ANTXR1: variants seen among roughly 807,000 people sequenced by gnomAD.
ANTXR1 encodes anthrax toxin receptor 1.
In ANTXR1, 19 loss-of-function variants were observed where a neutral mutation model predicts 78.1. The ratio of observed to expected loss-of-function variants is 0.24; its 90% confidence interval spans 0.17 to 0.36. The LOEUF is 0.36. ANTXR1 is among the 10% of genes least tolerant of loss of function. The pLI, the probability that ANTXR1 is intolerant of heterozygous loss-of-function variation, is 1.00. For synonymous variants in ANTXR1, 273 were observed against 260.5 expected, an observed-to-expected ratio of 1.05 and a Z score of -0.46; for missense variants, 518 against 718.6, an observed-to-expected ratio of 0.72 and a Z score of 3.19.
intron 12 of ANTXR1, chr2:69,146,424 T>A (rs1486989131): frequency 1.0e-6 from 1 of 960,824 alleles, no homozygotes; most frequent in African/African-American, 1.8e-5. Flanking sequence ...ACTTAGGCTA[T>A]TGAGAAAATA....
intron 3 of ANTXR1, among the ~76,000 whole-genome samples, chr2:69,064,247 AT>A: frequency 6.6e-6 from 1 of 152,204 alleles, no homozygotes; most frequent in East Asian, 1.9e-4. Context: ...ACCTGGACTT[AT>A]TTATGCAGCT....
chr2:69,055,428 C>T (rs1224743458), intron 3 of ANTXR1, among the ~76,000 whole-genome samples: 1 of 152,066 alleles, frequency 6.6e-6, no homozygotes, highest in Non-Finnish European at 1.5e-5. Context: ...TAAGGGGTCT[C>T]CATGTTGGTC....
chr2:69,233,083 G>T (rs1675664042), intron 17 of ANTXR1, among the ~76,000 whole-genome samples: 1 of 152,006 alleles, frequency 6.6e-6, no homozygotes, highest in Admixed American at 6.6e-5. Flanking sequence ...TACAAAACCT[G>T]AATAAATCAA....
At chr2:69,145,843 G>A in intron 12 of ANTXR1, 6 of 987,230 alleles carry the variant, frequency 6.1e-6, no homozygotes, top group Non-Finnish European at 7.2e-6. Context: ...GCCCTGGCAA[G>A]ATATTTCACT....
intron 13 of ANTXR1, among the ~76,000 whole-genome samples, chr2:69,168,799 G>A (rs928197134): frequency 4.6e-5 from 7 of 152,236 alleles, no homozygotes; most frequent in Non-Finnish European, 1.0e-4. Flanking sequence ...CACAATCATG[G>A]CTTTGCATTT....
chr2:69,111,351 G>A (rs1671972238), intron 10 of ANTXR1, among the ~76,000 whole-genome samples: 1 of 152,218 alleles, frequency 6.6e-6, no homozygotes, highest in African/African-American at 2.4e-5. Flanking sequence ...ACTGGAGTAT[G>A]AGCTGAGAAG....
At chr2:69,157,212 C>T (rs1673551393) in intron 13 of ANTXR1, among the ~76,000 whole-genome samples, 1 of 152,156 alleles carries the variant, frequency 6.6e-6, no homozygotes, top group Non-Finnish European at 1.5e-5. Flanking sequence ...CTGGTGTCTG[C>T]TGGCTCTTCT....
intron 1 of ANTXR1, among the ~76,000 whole-genome samples, chr2:69,032,407 C>T (rs1038377531): frequency 3.3e-5 from 5 of 151,994 alleles, no homozygotes; most frequent in Non-Finnish European, 7.4e-5. Context: ...AACAATGGAC[C>T]TGCTGCTTTT....
At position 69,181,944 on chromosome 2, in the gene ANTXR1, G is replaced by A. The variant is rs534655285; in HGVS notation, c.1185+63G>A. The A allele has an allele frequency of 8.0e-4, 1,230 of 1,532,284 alleles. 7 individuals carry two copies. In the African/African-American group the frequency reaches 0.015, roughly 19 times the overall value. The allele number at this position is 1,532,284 out of a possible 1,614,324, so 94.9% of individuals were successfully genotyped here. On this transcript the variant is annotated intron_variant, in intron 15 of 17. Transcript: ENST00000303714. ...GACTACTCCCATCGAGGTACCAGCCGGGCCTGACCCTGCTTAGCCTCTAGA... is the reference window on the plus strand; with the variant it reads ...GACTACTCCCATCGAGGTACCAGCCAGGCCTGACCCTGCTTAGCCTCTAGA...
At chr2:69,120,807 AAT>A (rs1353331932) in intron 10 of ANTXR1, among the ~76,000 whole-genome samples, 1 of 152,194 alleles carries the variant, frequency 6.6e-6, no homozygotes, top group African/African-American at 2.4e-5. Flanking sequence ...GCTGATTCCA[AAT>A]ATGAGGATAA....
At position 69,013,388 on chromosome 2, in the gene ANTXR1, G is replaced by C. The variant is rs1248145496; in HGVS notation, c.-112G>C. ...TTCCGGGGAGTTGCGAGGGAGCGAGGGGGAATAAAGGACCCGCGAGGAAGG... is the reference window on the plus strand; with the variant it reads ...TTCCGGGGAGTTGCGAGGGAGCGAGCGGGAATAAAGGACCCGCGAGGAAGG... On this transcript the variant is annotated 5_prime_UTR_variant, in exon 1 of 18. Transcript: ENST00000303714. This position sits in a 1 kb window ranked among gnomAD's most constrained non-coding sequence, Gnocchi z 5.0. The C allele has an allele frequency of 1.4e-6, 2 of 1,444,804 alleles. No individual in the cohort carries two copies. Among genetic ancestry groups the C allele is most frequent in the African/African-American group, 2.8e-5 (2 of 71,528 alleles). The allele number at this position is 1,444,804 out of a possible 1,614,324, so 89.5% of individuals were successfully genotyped here.
chr2:69,110,381 G>A (rs1008798897), intron 10 of ANTXR1, among the ~76,000 whole-genome samples: 2 of 152,068 alleles, frequency 1.3e-5, no homozygotes, highest in African/African-American at 4.8e-5. Context: ...AAAGAACAAA[G>A]GGAATGAGGG....
intron 13 of ANTXR1, among the ~76,000 whole-genome samples, chr2:69,155,309 C>T (rs1019810420): frequency 7.2e-5 from 11 of 152,270 alleles, no homozygotes; most frequent in African/African-American, 2.4e-4. Context: ...TTTTAAGATT[C>T]CTATACCTAT....
chr2:69,202,965 G>T (rs187089941), intron 17 of ANTXR1, among the ~76,000 whole-genome samples: 2 of 152,320 alleles, frequency 1.3e-5, no homozygotes, highest in East Asian at 3.9e-4. Flanking sequence ...CTCTTAACCT[G>T]TAGGAAAAAC....
intron 9 of ANTXR1, among the ~76,000 whole-genome samples, chr2:69,095,720 C>A (rs932814052): frequency 2.0e-5 from 3 of 152,322 alleles, no homozygotes; most frequent in Admixed American, 6.5e-5. Flanking sequence ...GCTCTCCCCC[C>A]ATAGAATCAT....
chr2:69,107,217 A>C (rs1212057522), intron 10 of ANTXR1, among the ~76,000 whole-genome samples: 3 of 151,962 alleles, frequency 2.0e-5, no homozygotes, highest in Non-Finnish European at 1.5e-5. Flanking sequence ...GTTCCAGAGG[A>C]AAGATATAAA....
intron 12 of ANTXR1, among the ~76,000 whole-genome samples, chr2:69,141,727 C>A (rs1289127689): frequency 1.3e-5 from 2 of 152,162 alleles, no homozygotes; most frequent in East Asian, 3.8e-4. Context: ...TAACTGTGTA[C>A]ATTGACTTTC....
chr2:69,036,511 C>G (rs1669432815), intron 1 of ANTXR1, among the ~76,000 whole-genome samples: 1 of 152,106 alleles, frequency 6.6e-6, no homozygotes, highest in African/African-American at 2.4e-5. Context: ...AACCATCTTC[C>G]CAGTATAAAT....
intron 1 of ANTXR1, among the ~76,000 whole-genome samples, chr2:69,023,238 C>T (rs1215863217): frequency 6.6e-6 from 1 of 152,082 alleles, no homozygotes; most frequent in African/African-American, 2.4e-5. Flanking sequence ...CCATTTGGCA[C>T]ATGAGTGCTG....
Sources: allele counts gnomAD v4.1 joint callset (sites outside exome capture counted in the v4.1 genomes callset), GRCh38; gene constraint gnomAD v4.1.1; non-coding constraint Gnocchi (gnomAD v3.1); transcripts MANE v1.5; gene names NCBI Gene and HGNC (gene_info 2026-07-23, HGNC 2026-07-21).